The following GRIK1 variants were observed in gnomAD, a reference collection of about 807,000 sequenced individuals.
GRIK1 encodes the protein glutamate ionotropic receptor kainate type subunit 1, also known as glutamate receptor ionotropic, kainate 1.
A neutral mutation model predicts 105.7 loss-of-function variants in GRIK1; 69 were observed. That is an observed-to-expected ratio of 0.65 (90% CI 0.54 to 0.80). GRIK1 has a LOEUF of 0.80. GRIK1 is among the 30% of genes least tolerant of loss of function. The pLI, the probability that GRIK1 is intolerant of heterozygous loss-of-function variation, is 0.00. For missense variants in GRIK1, 1,109 were observed against 1,167.3 expected, an observed-to-expected ratio of 0.95 and a Z score of 0.73; for synonymous variants, 438 against 431.3, an observed-to-expected ratio of 1.02 and a Z score of -0.19.
chr21:29,846,386 CAA>C (rs1201201107), intron 1 of GRIK1, among the ~76,000 whole-genome samples: 17 of 34,054 alleles, frequency 5.0e-4, no homozygotes, highest in Admixed American at 1.3e-3. Flanking sequence ...GAAACTCAGT[CAA>C]AAAAAAAAAA....
intron 1 of GRIK1, among the ~76,000 whole-genome samples, chr21:29,745,676 G>A (rs1036788686): frequency 3.3e-5 from 5 of 152,086 alleles, no homozygotes; most frequent in African/African-American, 1.2e-4. Context: ...TTAATTCCTG[G>A]CATTTAGCCT....
chr21:29,841,517 A>T (rs1263103473), intron 1 of GRIK1, among the ~76,000 whole-genome samples: 2 of 151,958 alleles, frequency 1.3e-5, no homozygotes, highest in African/African-American at 4.8e-5. Context: ...TTCCCTATTC[A>T]CTCTTTTGCC....
chr21:29,543,919 T>C (rs1409800558), intron 16 of GRIK1, among the ~76,000 whole-genome samples: 40 of 152,234 alleles, frequency 2.6e-4, no homozygotes, highest in Admixed American at 2.5e-3. Flanking sequence ...GGCTACAGCA[T>C]GTAGACTTCA....
intron 1 of GRIK1, among the ~76,000 whole-genome samples, chr21:29,799,972 A>G (rs2066659209): frequency 6.6e-6 from 1 of 152,238 alleles, no homozygotes; most frequent in African/African-American, 2.4e-5. Context: ...AAATAATAAA[A>G]TTTATTTAAT....
intron 7 of GRIK1, among the ~76,000 whole-genome samples, chr21:29,608,436 G>A (rs1333967881): frequency 6.6e-6 from 1 of 152,064 alleles, no homozygotes. Context: ...AAGGAAATGT[G>A]TTAAAATTTT....
intron 7 of GRIK1, among the ~76,000 whole-genome samples, chr21:29,606,793 TTCTTGTCTTGTCTTG>T (rs3831787): frequency 6.8e-6 from 1 of 147,530 alleles, no homozygotes; most frequent in Admixed American, 6.7e-5. Context: ...TCTCTGTTGT[TTCTTGTCTTGTCTTG>T]TCTTGTCTTG....
chr21:29,906,692 G>A (rs560066300), intron 1 of GRIK1, among the ~76,000 whole-genome samples: 1 of 152,070 alleles, frequency 6.6e-6, no homozygotes, highest in Non-Finnish European at 1.5e-5. Context: ...TAAGACAAAA[G>A]AGTTAAAATA....
chr21:29,856,569 T>C (rs1175823911), intron 1 of GRIK1, among the ~76,000 whole-genome samples: 3 of 152,158 alleles, frequency 2.0e-5, no homozygotes, highest in Non-Finnish European at 4.4e-5. Context: ...TCTGAAATAT[T>C]TGCTTAGCCC....
rs532934664 is a variant in GRIK1 at position 29,857,884 on chromosome 21, AG to A, written c.118+81498del. Among the ~76,000 whole-genome samples the A allele has an allele frequency of 2.1e-4, 32 of 152,214 alleles. 1 individual carries two copies. Among genetic ancestry groups the A allele is most frequent in the African/African-American group, 7.7e-4 (32 of 41,524 alleles). On this transcript the variant is annotated intron_variant, in intron 1 of 17. Coordinates refer to ENST00000327783, the MANE Select transcript of GRIK1 (RefSeq NM_001330994.2). Reference sequence around the variant, plus strand: ...TTCATCACCCCCTAGTCTCCTGTGAAGGCAGTAATTTTTCCATTTTTATTTA... The same window carrying A: ...TTCATCACCCCCTAGTCTCCTGTGAAGCAGTAATTTTTCCATTTTTATTTA...
intron 1 of GRIK1, among the ~76,000 whole-genome samples, chr21:29,886,624 G>A (rs1341152670): frequency 2.0e-5 from 3 of 152,030 alleles, no homozygotes; most frequent in Non-Finnish European, 4.4e-5. Context: ...ATAACTTTAA[G>A]GGTAAGTTCA....
intron 6 of GRIK1, among the ~76,000 whole-genome samples, chr21:29,650,599 C>G (rs909581251): frequency 1.3e-5 from 2 of 152,148 alleles, no homozygotes; most frequent in African/African-American, 4.8e-5. Flanking sequence ...GCTTCAAGAG[C>G]GACATATGGC....
chr21:29,719,600 T>C (rs1241166004), intron 1 of GRIK1, among the ~76,000 whole-genome samples: 3 of 137,250 alleles, frequency 2.2e-5, no homozygotes, highest in African/African-American at 9.2e-5. Context: ...ACAGAGATGA[T>C]TTTTTTTTTC....
intron 1 of GRIK1, among the ~76,000 whole-genome samples, chr21:29,714,240 G>T (rs927384480): frequency 2.5e-4 from 38 of 151,660 alleles, no homozygotes; most frequent in Admixed American, 7.9e-4. Context: ...CTCTTCCCAT[G>T]ATTGTCTTTG....
rs376923417 is a variant in GRIK1, at chr21:29,816,446, G to A, written c.119-122383C>T. Among the ~76,000 whole-genome samples the A allele has an allele frequency of 9.2e-5, 14 of 152,118 alleles. No homozygotes were observed. The East Asian group carries it at 1.4e-3, about 15-fold the overall frequency. The stretch of plus-strand genomic sequence containing the variant: ...CACAATCCATCAATCTCACTACCAG[G>A]TATTTATCCAAAGGAAAGGAAATCA... On this transcript the variant is annotated intron_variant, in intron 1 of 17. Coordinates refer to ENST00000327783, the MANE Select transcript of GRIK1 (RefSeq NM_001330994.2).
At chr21:29,817,201 T>C (rs2067177525) in intron 1 of GRIK1, among the ~76,000 whole-genome samples, 1 of 152,076 alleles carries the variant, frequency 6.6e-6, no homozygotes. Flanking sequence ...TTGGTACAAT[T>C]TGTGCATCAA....
In GRIK1 at chr21:29,752,978, G is replaced by C. The variant is rs151027772; in HGVS notation, c.119-58915C>G. Among the ~76,000 whole-genome samples, 751 of 152,358 alleles carry C rather than the reference G, an allele frequency of 4.9e-3. 8 individuals are homozygous for C. The highest frequency in any genetic ancestry group is 0.017 in the African/African-American group (714 of 41,584). On this transcript the variant is annotated intron_variant, in intron 1 of 17. Transcript: ENST00000327783. ...GACAAGTTCAGATTTGATATGACAG[G>C]CTGCTCTAGTTCCTATTTGGAGAAC...
At chr21:29,606,607 A>T (rs183513759) in intron 7 of GRIK1, among the ~76,000 whole-genome samples, 1 of 152,258 alleles carries the variant, frequency 6.6e-6, no homozygotes, top group Non-Finnish European at 1.5e-5. Flanking sequence ...GTGCCCAAGT[A>T]CACTCACCTG....
Position 29,596,562 on chromosome 21 carries a change from G to A in GRIK1, c.1215C>T (p.Gly405=), listed in dbSNP as rs374777692. The change falls in exon 9 of 18, where the codon GGC becomes GGT. Residue 405 remains glycine (G), a synonymous_variant. Coordinates refer to ENST00000327783, the MANE Select transcript of GRIK1 (RefSeq NM_001330994.2). The part of the protein sequence containing the change: ...LKEEGTEKAA[G]EVSKHLYKVW... The stretch of plus-strand genomic sequence containing the variant: ...CTTTATACAAGTGTTTAGACACTTC[G>A]CCAGCAGCCTTGGTTTTCAGAGAGA... The A allele has an allele frequency of 3.4e-5, 55 of 1,607,624 alleles. No individual in the cohort carries two copies. The Middle Eastern group carries it at 4.9e-4, about 14-fold the overall frequency.
chr21:29,741,976 T>C (rs2064941159), intron 1 of GRIK1, among the ~76,000 whole-genome samples: 1 of 152,230 alleles, frequency 6.6e-6, no homozygotes, highest in Non-Finnish European at 1.5e-5. Flanking sequence ...TGTTTGTGAA[T>C]ATTTAATCAT....
Sources: gnomAD v4.1 joint callset for allele counts (sites outside exome capture counted in the v4.1 genomes callset) on GRCh38, gnomAD v4.1.1 for gene constraint, MANE v1.5 for transcripts, NCBI Gene and HGNC (gene_info 2026-07-23, HGNC 2026-07-21) for gene names.